ARHGEF10: variants seen among roughly 807,000 people sequenced by gnomAD.
The protein encoded by ARHGEF10 is Rho guanine nucleotide exchange factor 10.
In ARHGEF10, 140 loss-of-function variants were observed where a neutral mutation model predicts 147.4. The ratio of observed to expected loss-of-function variants is 0.95; its 90% confidence interval spans 0.83 to 1.09. ARHGEF10 has a LOEUF of 1.09. ARHGEF10 is among the 50% of genes least tolerant of loss of function. ARHGEF10 has a pLI of 0.00. For synonymous variants in ARHGEF10, 902 were observed against 695.8 expected (o/e 1.30, Z -4.67); for missense variants, 2,222 against 1,752.7 (o/e 1.27, Z -4.78).
chr8:1,935,915 C>T lies in ARHGEF10; in HGVS notation c.3222+1973C>T, dbSNP rs868350065. 3.9e-5 allele frequency among the ~76,000 whole-genome samples: 6 copies of T among 152,202 alleles called. No individual in the cohort carries two copies. In the East Asian group the frequency reaches 9.6e-4, roughly 24 times the overall value. On this transcript the variant is annotated intron_variant, in intron 26 of 28. Transcript: ENST00000349830. ...GGGAAGCAGGCTGCGGAACACTGTC[C>T]GAGCTCACTCCGAGGGAGGCTGTGG...
At position 1,848,810 on chromosome 8, in the gene ARHGEF10, A is replaced by G. The variant is rs1585253188; in HGVS notation, c.37+5374A>G. Among the ~76,000 whole-genome samples, 3 of 152,298 alleles carry G rather than the reference A, an allele frequency of 2.0e-5. No homozygotes were observed. In the South Asian group the frequency reaches 6.2e-4, roughly 32 times the overall value. ...TTTTCCCCTTGAAGCAAACTTTTAA[A>G]TGCCGTTAATATAAGTGATAGTATC... On this transcript the variant is annotated intron_variant, in intron 2 of 28. Coordinates refer to ENST00000349830, the MANE Select transcript of ARHGEF10 (RefSeq NM_014629.4).
intron 27 of ARHGEF10, among the ~76,000 whole-genome samples, chr8:1,949,584 A>G (rs1814864107): frequency 6.6e-6 from 1 of 152,150 alleles, no homozygotes; most frequent in Non-Finnish European, 1.5e-5. Context: ...CACATGGTAA[A>G]TTGCGCCTTT....
chr8:1,905,747 A>G (rs1810841644), intron 17 of ARHGEF10, 31 bp downstream of exon 17: 4 of 1,610,436 alleles, frequency 2.5e-6, no homozygotes, highest in African/African-American at 1.3e-5. Flanking sequence ...TAGTAGTCCT[A>G]CCATCATCAC....
At chr8:1,929,134 C>T (rs1812913044) in intron 24 of ARHGEF10, 152 bp from the exon 25 acceptor site, 1 of 842,024 alleles carries the variant, frequency 1.2e-6, no homozygotes, top group South Asian at 1.8e-5. Flanking sequence ...AAGGTGGTTG[C>T]AAATTTTTTA....
intron 28 of ARHGEF10, among the ~76,000 whole-genome samples, chr8:1,953,815 A>T (rs534702264): frequency 6.6e-6 from 1 of 152,088 alleles, no homozygotes; most frequent in Non-Finnish European, 1.5e-5. Flanking sequence ...CTTAGATTCT[A>T]TGTGGGTTAC....
At chr8:1,952,585 C>T (rs1815142940) in intron 27 of ARHGEF10, 120 bp from the exon 28 acceptor site, 1 of 1,373,188 alleles carries the variant, frequency 7.3e-7, no homozygotes, top group South Asian at 1.2e-5. Context: ...GTGCCACATC[C>T]TGCCCCTGGC....
intron 6 of ARHGEF10, among the ~76,000 whole-genome samples, chr8:1,868,871 A>T (rs1429286040): frequency 5.9e-5 from 9 of 152,146 alleles, no homozygotes; most frequent in Admixed American, 2.6e-4. Context: ...TCATAGAATA[A>T]GTTTGACCTG....
At chr8:1,935,328 A>G (rs1037910798) in intron 26 of ARHGEF10, among the ~76,000 whole-genome samples, 4 of 152,044 alleles carry the variant, frequency 2.6e-5, no homozygotes, top group Admixed American at 2.6e-4. Flanking sequence ...CTCAGGGTCC[A>G]CTGGGGGCTT....
chr8:1,881,260 A>T (rs913950109), intron 9 of ARHGEF10, among the ~76,000 whole-genome samples: 4 of 146,478 alleles, frequency 2.7e-5, no homozygotes, highest in Admixed American at 6.6e-5. Flanking sequence ...TGTGACCTGG[A>T]ACCCGGGGTC....
intron 21 of ARHGEF10, among the ~76,000 whole-genome samples, chr8:1,924,105 C>G (rs1336100509): frequency 6.6e-6 from 1 of 152,204 alleles, no homozygotes; most frequent in Non-Finnish European, 1.5e-5. Context: ...GATGGTGTTT[C>G]TGGTACCAGA....
At chr8:1,952,671 C>A (rs749021912) in intron 27 of ARHGEF10, 34 bp from the exon 28 acceptor site, 1 of 1,612,414 alleles carries the variant, frequency 6.2e-7, no homozygotes, top group East Asian at 2.2e-5. Flanking sequence ...GCTACACAAA[C>A]CAGACCCGAA....
In ARHGEF10 at chr8:1,957,046, A is replaced by G; in HGVS notation, c.3818A>G (p.Glu1273Gly). 1 of 1,613,770 alleles carries G rather than the reference A, an allele frequency of 6.2e-7. No homozygotes were observed. Among genetic ancestry groups the G allele is most frequent in the Non-Finnish European group, 8.5e-7 (1 of 1,179,938 alleles). The change falls in exon 29 of 29, where the codon GAG becomes GGG. Residue 1273 changes from glutamate to glycine, a missense_variant. Transcript: ENST00000349830. The stretch of plus-strand genomic sequence containing the variant: ...TTGTCTCACGGCTCCAGCTCTCTAG[A>G]GCACAGATCAGAGGACAGCACCATC... ...LSLSHGSSSL[E>G]HRSEDSTIYD...
chr8:1,856,503 G>T (rs1805564723), intron 2 of ARHGEF10, among the ~76,000 whole-genome samples: 1 of 152,222 alleles, frequency 6.6e-6, no homozygotes, highest in Admixed American at 6.5e-5. Context: ...AAAGGAAAAT[G>T]AAACACCTCA....
At position 1,860,027 on chromosome 8, in the gene ARHGEF10, C is replaced by G; in HGVS notation, c.324C>G (p.Pro108=). 1 of 1,614,132 alleles carries G rather than the reference C, an allele frequency of 6.2e-7. No homozygotes were observed. Among genetic ancestry groups the G allele is most frequent in the South Asian group, 1.1e-5 (1 of 91,074 alleles). ...TCCAGGAGGACCAGCCGCCCACCCC[C>G]GTGCCCAGCGCTGAGGAGGAGAATG... The part of the protein sequence containing the change: ...TPFQEDQPPT[P]VPSAEEENVG... Residue 108 remains proline (P), a synonymous_variant, in exon 4 of 29, where the codon CCC becomes CCG. Coordinates refer to ENST00000349830, the MANE Select transcript of ARHGEF10 (RefSeq NM_014629.4).
Position 1,860,177 on chromosome 8 carries a change from C to T in ARHGEF10, c.474C>T (p.Asp158=), listed in dbSNP as rs147914724. ...SPVIICATSL[D]EEETPEVTED... is the part of the protein sequence containing the mutation. ...TCATCATCTGCGCCACGTCCCTGGACGAAGAAGGTACTGCTACCCTCCTCT... is the reference window on the plus strand; with the variant it reads ...TCATCATCTGCGCCACGTCCCTGGATGAAGAAGGTACTGCTACCCTCCTCT... Residue 158 remains aspartate (D), a synonymous_variant, in exon 4 of 29, where the codon GAC becomes GAT. Coordinates refer to ENST00000349830, the MANE Select transcript of ARHGEF10 (RefSeq NM_014629.4). The T allele has an allele frequency of 1.7e-4, 278 of 1,613,024 alleles. No homozygotes were observed. The African/African-American group carries it at 2.5e-3, about 15-fold the overall frequency.
At chr8:1,923,230 G>A (rs890644296) in intron 19 of ARHGEF10, 151 bp downstream of exon 19, 2 of 845,760 alleles carry the variant, frequency 2.4e-6, no homozygotes, top group Non-Finnish European at 1.8e-6. Flanking sequence ...CGTTAGATAA[G>A]GTGAGACTAT....
At chr8:1,872,506 C>A (rs1238618141) in intron 7 of ARHGEF10, among the ~76,000 whole-genome samples, 1 of 152,192 alleles carries the variant, frequency 6.6e-6, no homozygotes, top group Non-Finnish European at 1.5e-5. Flanking sequence ...TCCAGCATGA[C>A]CCTAACAAGT....
chr8:1,945,137 C>T (rs966580038), intron 26 of ARHGEF10, among the ~76,000 whole-genome samples: 5 of 152,226 alleles, frequency 3.3e-5, no homozygotes, highest in Admixed American at 1.3e-4. Context: ...AGGAAGGTTC[C>T]AGCAGGTTCT....
At chr8:1,850,851 G>A (rs1345800537) in intron 2 of ARHGEF10, among the ~76,000 whole-genome samples, 3 of 152,164 alleles carry the variant, frequency 2.0e-5, no homozygotes, top group African/African-American at 7.2e-5. Flanking sequence ...TTCAGACAGT[G>A]GAACATTCAG....
Sources: gnomAD v4.1 joint callset for allele counts (sites outside exome capture counted in the v4.1 genomes callset) on GRCh38, gnomAD v4.1.1 for gene constraint, MANE v1.5 for transcripts, NCBI Gene and HGNC (gene_info 2026-07-23, HGNC 2026-07-21) for gene names.